PPFIA1: variants seen among roughly 807,000 people sequenced by gnomAD.
The protein encoded by PPFIA1 is PPFI scaffold protein A1, also known as liprin-alpha-1.
Under a neutral mutation model 149.9 loss-of-function variants are expected in PPFIA1, and 25 were observed. The ratio of observed to expected loss-of-function variants is 0.17; its 90% CI spans 0.12 to 0.23. The LOEUF is 0.23. Among genes scored for constraint, PPFIA1 ranks in the 10% least tolerant of loss-of-function variants. PPFIA1 has a pLI of 1.00. For synonymous variants in PPFIA1, 549 were observed against 552.8 expected (o/e 0.99, Z 0.10); for missense variants, 1,362 against 1,506.5 (o/e 0.90, Z 1.59).
chr11:70,331,834 C>A (rs2054686289), intron 8 of PPFIA1, 126 bp from the exon 9 acceptor site: 2 of 1,049,714 alleles, frequency 1.9e-6, no homozygotes, highest in Non-Finnish European at 2.6e-6. Context: ...GAAGCAACTC[C>A]CATCACTGTA....
Position 70,272,313 on chromosome 11 carries a change from G to A in PPFIA1, c.141G>A (p.Arg47=), listed in dbSNP as rs2050139797. 1 of 1,614,056 alleles carries A rather than the reference G, an allele frequency of 6.2e-7. No individual in the cohort carries two copies. Among genetic ancestry groups the A allele is most frequent in the South Asian group, 1.1e-5 (1 of 91,088 alleles). ...TGATGGTCTCCATGCTAGAAGAAAGGGACCGCCTTCTTGATACACTGAGAG... is the reference window on the plus strand; with the variant it reads ...TGATGGTCTCCATGCTAGAAGAAAGAGACCGCCTTCTTGATACACTGAGAG... ...EQLMVSMLEE[R]DRLLDTLRET... The change falls in exon 2 of 28, where the codon AGG becomes AGA. Residue 47 remains arginine (R), a synonymous_variant. Transcript: ENST00000253925.
intron 2 of PPFIA1, among the ~76,000 whole-genome samples, chr11:70,323,817 C>T (rs1197986748): frequency 6.6e-6 from 1 of 152,126 alleles, no homozygotes; most frequent in African/African-American, 2.4e-5. Flanking sequence ...AGAAATATTA[C>T]TTTAGAAGAG....
intron 2 of PPFIA1, among the ~76,000 whole-genome samples, chr11:70,278,004 G>A (rs1441653861): frequency 1.3e-5 from 2 of 151,988 alleles, no homozygotes; most frequent in East Asian, 1.9e-4. Flanking sequence ...ACCGCCTCCC[G>A]GGTTCAAGCA....
At chr11:70,309,503 A>G (rs930031340) in intron 2 of PPFIA1, among the ~76,000 whole-genome samples, 1 of 151,958 alleles carries the variant, frequency 6.6e-6, no homozygotes, top group East Asian at 1.9e-4. Flanking sequence ...TGCTTATTCT[A>G]TGCAATTATA....
At chr11:70,362,589 T>C (rs2056717302) in intron 21 of PPFIA1, 101 bp downstream of exon 21, 1 of 1,253,968 alleles carries the variant, frequency 8.0e-7, no homozygotes, top group East Asian at 2.4e-5. Flanking sequence ...CTTAACAGCA[T>C]ATGAAGTATA....
chr11:70,320,581 G>T (rs947126860), intron 2 of PPFIA1, among the ~76,000 whole-genome samples: 4 of 151,826 alleles, frequency 2.6e-5, no homozygotes, highest in Non-Finnish European at 5.9e-5. Context: ...TCTACGCATG[G>T]TGTGTGCCAC....
At chr11:70,365,961 G>C (rs2056910406) in intron 21 of PPFIA1, 1 of 456,512 alleles carries the variant, frequency 2.2e-6, no homozygotes, top group Non-Finnish European at 4.4e-6. Flanking sequence ...AGGGAAGCTG[G>C]GCTCAGGTTG....
intron 8 of PPFIA1, among the ~76,000 whole-genome samples, chr11:70,331,416 C>G (rs868763920): frequency 6.6e-6 from 1 of 151,790 alleles, no homozygotes; most frequent in Non-Finnish European, 1.5e-5. Context: ...AAAGCAAACA[C>G]TTTGACAAGA....
intron 11 of PPFIA1, 105 bp downstream of exon 11, chr11:70,335,799 C>A: frequency 7.7e-7 from 1 of 1,296,878 alleles, no homozygotes; most frequent in Non-Finnish European, 1.1e-6. Context: ...CAGCTGTTAC[C>A]GAAAATGGGA....
intron 19 of PPFIA1, among the ~76,000 whole-genome samples, chr11:70,359,675 C>T (rs2056536035): frequency 6.6e-6 from 1 of 152,232 alleles, no homozygotes; most frequent in Non-Finnish European, 1.5e-5. Context: ...AGCAAAAACT[C>T]ACACAAGCTT....
intron 15 of PPFIA1, chr11:70,346,121 T>C (rs1321331990): frequency 6.2e-6 from 2 of 323,304 alleles, no homozygotes; most frequent in Non-Finnish European, 1.3e-5. Flanking sequence ...AATCCAAGAA[T>C]TGCTTTTATA....
intron 2 of PPFIA1, among the ~76,000 whole-genome samples, chr11:70,311,810 T>C (rs1052370346): frequency 2.7e-5 from 4 of 150,690 alleles, no homozygotes; most frequent in Non-Finnish European, 5.9e-5. Flanking sequence ...TCAGTTTGTT[T>C]CAAACATGGA....
chr11:70,296,932 C>T (rs1487274902), intron 2 of PPFIA1, among the ~76,000 whole-genome samples: 3 of 152,174 alleles, frequency 2.0e-5, no homozygotes, highest in African/African-American at 7.2e-5. Flanking sequence ...ACGTGCCTCA[C>T]AGACTCGTGG....
intron 2 of PPFIA1, among the ~76,000 whole-genome samples, chr11:70,291,011 G>A (rs1322686602): frequency 6.6e-6 from 1 of 152,082 alleles, no homozygotes; most frequent in African/African-American, 2.4e-5. Context: ...TCAGCCTCCC[G>A]AGTAGCTGGG....
intron 2 of PPFIA1, among the ~76,000 whole-genome samples, chr11:70,306,575 C>T (rs903012897): frequency 6.6e-6 from 1 of 152,142 alleles, no homozygotes; most frequent in African/African-American, 2.4e-5. Context: ...TGTATAAATG[C>T]TTGGGCATGA....
At chr11:70,358,723 A>G (rs1264517601) in intron 19 of PPFIA1, 1 of 152,224 alleles carries the variant, frequency 6.6e-6, no homozygotes, top group African/African-American at 2.4e-5. Flanking sequence ...CTTACAGAGA[A>G]CTTAAGGAAT....
chr11:70,303,881 C>G (rs1022084186), intron 2 of PPFIA1, among the ~76,000 whole-genome samples: 1 of 152,208 alleles, frequency 6.6e-6, no homozygotes, highest in African/African-American at 2.4e-5. Context: ...TGGTGTGTGC[C>G]TGTAATCCCA....
At chr11:70,340,836 G>T (rs2055285532) in intron 14 of PPFIA1, 1 of 367,248 alleles carries the variant, frequency 2.7e-6, no homozygotes, top group Non-Finnish European at 5.3e-6. Flanking sequence ...GATAGTCCCG[G>T]CTCAATCTGG....
chr11:70,362,214 A>G, intron 20 of PPFIA1, 38 bp downstream of exon 20: 1 of 1,612,650 alleles, frequency 6.2e-7, no homozygotes, highest in Non-Finnish European at 8.5e-7. Flanking sequence ...CGTGGGTTAC[A>G]GTATGTGAAC....
Sources: allele counts gnomAD v4.1 joint callset (sites outside exome capture counted in the v4.1 genomes callset), GRCh38; gene constraint gnomAD v4.1.1; transcripts MANE v1.5; gene names NCBI Gene and HGNC (gene_info 2026-07-23, HGNC 2026-07-21).